RAD51B: variants seen among roughly 807,000 people sequenced by gnomAD.
RAD51B encodes DNA repair protein RAD51 homolog 2.
A neutral mutation model predicts 42.2 loss-of-function variants in RAD51B; 38 were observed. That is an observed-to-expected ratio of 0.90 (90% CI 0.70 to 1.18). The LOEUF (loss-of-function observed/expected upper bound fraction) is 1.18. RAD51B is among the 50% of genes most tolerant of loss of function. The pLI, the probability that RAD51B is intolerant of heterozygous loss-of-function variation, is 0.00. For missense variants in RAD51B, 373 were observed against 400.7 expected (o/e 0.93, Z 0.59); for synonymous variants, 154 against 145.2 (o/e 1.06, Z -0.43).
intron 7 of RAD51B, among the ~76,000 whole-genome samples, chr14:67,911,549 G>T (rs889489888): frequency 5.3e-5 from 8 of 152,024 alleles, no homozygotes; most frequent in African/African-American, 1.9e-4. Context: ...TATTGGAGGG[G>T]TGCCATTTCT....
intron 7 of RAD51B, among the ~76,000 whole-genome samples, chr14:67,900,100 G>A (rs942164755): frequency 6.6e-6 from 1 of 152,160 alleles, no homozygotes; most frequent in Non-Finnish European, 1.5e-5. Flanking sequence ...CTGCTTGTAA[G>A]TGTAACCACA....
intron 4 of RAD51B, among the ~76,000 whole-genome samples, chr14:67,858,937 C>T (rs997240614): frequency 2.6e-5 from 4 of 152,174 alleles, no homozygotes; most frequent in Admixed American, 2.0e-4. Flanking sequence ...AAGAAAGTTC[C>T]ATAAAAATGT....
intron 8 of RAD51B, among the ~76,000 whole-genome samples, chr14:68,305,628 GGAGAGAT>G (rs2139706367): frequency 6.6e-6 from 1 of 152,336 alleles, no homozygotes; most frequent in African/African-American, 2.4e-5. Context: ...TTCACAGAAA[GGAGAGAT>G]CATCATGATC....
intron 8 of RAD51B, among the ~76,000 whole-genome samples, chr14:68,335,246 G>A (rs1198993552): frequency 1.3e-4 from 18 of 142,272 alleles, no homozygotes; most frequent in African/African-American, 4.2e-4. Context: ...GTAGTGAGCC[G>A]AGATCGCACC....
chr14:68,133,563 C>A (rs1247534806), intron 7 of RAD51B, among the ~76,000 whole-genome samples: 1 of 152,138 alleles, frequency 6.6e-6, no homozygotes, highest in Non-Finnish European at 1.5e-5. Flanking sequence ...CCTCCACTTC[C>A]CGGGTTCAAG....
chr14:67,969,322 CT>C (rs2074850759), intron 7 of RAD51B, among the ~76,000 whole-genome samples: 1 of 152,140 alleles, frequency 6.6e-6, no homozygotes, highest in Non-Finnish European at 1.5e-5. Context: ...CTTAGAAACA[CT>C]TGTTGGACCC....
rs545633928 is a variant in RAD51B at position 68,539,510 on chromosome 14, G to C, written c.1037-54975G>C. Among the ~76,000 whole-genome samples the C allele has an allele frequency of 4.1e-4, 62 of 152,294 alleles. 1 individual carries two copies. In the South Asian group the frequency reaches 9.1e-3, roughly 22 times the overall value. On this transcript the variant is annotated intron_variant, in intron 10 of 10. Coordinates refer to the RAD51B transcript ENST00000487270. ...TCCAGAGGGGTCCCCAGCCCCACAG[G>C]CTGCCAAAATAGGCTCTTTACACTC...
rs369195734 is a variant in RAD51B at position 67,858,465 on chromosome 14, C to T, written c.316-6538C>T. Among the ~76,000 whole-genome samples the T allele has an allele frequency of 3.0e-4, 45 of 152,234 alleles. 1 individual carries two copies. Among genetic ancestry groups the T allele is most frequent in the African/African-American group, 9.2e-4 (38 of 41,524 alleles). On this transcript the variant is annotated intron_variant, in intron 4 of 10. Transcript: ENST00000471583. ...ATCTCCCTTAAATTCCGGCTGTCTCCGGTATTGATTGAGTTTGGGTTCTTT... is the reference window on the plus strand; with the variant it reads ...ATCTCCCTTAAATTCCGGCTGTCTCTGGTATTGATTGAGTTTGGGTTCTTT...
intron 7 of RAD51B, among the ~76,000 whole-genome samples, chr14:67,914,024 C>T (rs2044072596): frequency 6.6e-6 from 1 of 151,918 alleles, no homozygotes; most frequent in Non-Finnish European, 1.5e-5. Context: ...GCTCTTTCAC[C>T]CAGGCTGAAG....
At chr14:68,225,541 A>G (rs1296593223) in intron 7 of RAD51B, among the ~76,000 whole-genome samples, 1 of 152,184 alleles carries the variant, frequency 6.6e-6, no homozygotes, top group Non-Finnish European at 1.5e-5. Context: ...ACCATGACAC[A>G]ATCAGCTTGC....
chr14:67,984,598 G>A (rs913382280), intron 7 of RAD51B, among the ~76,000 whole-genome samples: 1 of 152,092 alleles, frequency 6.6e-6, no homozygotes, highest in African/African-American at 2.4e-5. Context: ...TGTTCAGTCT[G>A]GACTCTCTGC....
At chr14:68,673,188 G>T (rs558292717) in intron 11 of RAD51B, among the ~76,000 whole-genome samples, 1 of 152,318 alleles carries the variant, frequency 6.6e-6, no homozygotes, top group South Asian at 2.1e-4. Context: ...TAGCTAATCT[G>T]TACCAGGAAA....
At chr14:68,452,694 C>T (rs993889566) in intron 9 of RAD51B, among the ~76,000 whole-genome samples, 1 of 152,188 alleles carries the variant, frequency 6.6e-6, no homozygotes, top group Non-Finnish European at 1.5e-5. Context: ...AAGATTCTCT[C>T]ATCATAGTGG....
chr14:67,904,895 G>A (rs147335533), intron 7 of RAD51B, among the ~76,000 whole-genome samples: 116 of 143,612 alleles, frequency 8.1e-4, no homozygotes, highest in Non-Finnish European at 1.4e-3. Flanking sequence ...TTCTTTTGTT[G>A]TAACAGATCT....
intron 10 of RAD51B, among the ~76,000 whole-genome samples, chr14:68,539,418 T>C (rs965936690): frequency 6.6e-6 from 1 of 151,776 alleles, no homozygotes; most frequent in Non-Finnish European, 1.5e-5. Flanking sequence ...CTCCGCCCCC[T>C]CCTCCGCCTG....
chr14:67,820,709 G>T (rs143618419), intron 1 of RAD51B, among the ~76,000 whole-genome samples: 63 of 152,224 alleles, frequency 4.1e-4, no homozygotes, highest in African/African-American at 1.4e-3. Context: ...GACAGGATGC[G>T]TGACCTACCA....
At chr14:68,065,092 A>G (rs10135256) in intron 7 of RAD51B, among the ~76,000 whole-genome samples, 9,885 of 152,094 alleles carry the variant, frequency 0.065, 784 homozygotes, top group African/African-American at 0.19. Context: ...GCCTATTCCA[A>G]TTTTGTAGAG....
At chr14:67,973,805 A>C (rs1188542830) in intron 7 of RAD51B, among the ~76,000 whole-genome samples, 1 of 152,154 alleles carries the variant, frequency 6.6e-6, no homozygotes, top group Admixed American at 6.6e-5. Context: ...CCATTTTAAA[A>C]ATTCAAAATT....
intron 8 of RAD51B, among the ~76,000 whole-genome samples, chr14:68,297,311 C>G (rs2081634324): frequency 1.3e-5 from 2 of 152,206 alleles, no homozygotes; most frequent in South Asian, 4.1e-4. Context: ...ATGTGGCTCC[C>G]TGCTAATCTC....
Sources: gnomAD v4.1 joint callset for allele counts (sites outside exome capture counted in the v4.1 genomes callset) on GRCh38, gnomAD v4.1.1 for gene constraint, MANE v1.5 for transcripts, NCBI Gene and HGNC (gene_info 2026-07-23, HGNC 2026-07-21) for gene names.